Variants in RALYL observed in about 807,000 individuals in gnomAD.
RALYL encodes the protein RALY RNA binding protein like.
RALYL carries 29 observed loss-of-function variants against 35.1 expected under a neutral mutation model. The observed-to-expected ratio is 0.83, with a 90% CI of 0.61 to 1.13. The LOEUF is 1.13. Ranked by LOEUF, RALYL falls within the 50% of genes most tolerant of loss-of-function variation. RALYL has a pLI of 0.00. For synonymous variants in RALYL, 120 were observed against 127.6 expected (o/e 0.94, Z 0.40); for missense variants, 359 against 360.4 (o/e 1.00, Z 0.03).
intron 1 of RALYL, among the ~76,000 whole-genome samples, chr8:84,245,127 G>A (rs1381538506): frequency 6.6e-6 from 1 of 152,110 alleles, no homozygotes; most frequent in Non-Finnish European, 1.5e-5. Flanking sequence ...GAACTTCCTT[G>A]AACTTTGCAC....
In RALYL at chr8:84,563,128, G is replaced by A. The variant is rs1253547554; in HGVS notation, c.256+33551G>A. ...CGAGAATATGACAGTAGTGGCTTTGGCAGCAAAGAAACTCAGGAGTAGAGC... is the reference window on the plus strand; with the variant it reads ...CGAGAATATGACAGTAGTGGCTTTGACAGCAAAGAAACTCAGGAGTAGAGC... On this transcript the variant is annotated intron_variant, in intron 2 of 8. Coordinates refer to ENST00000521268, the MANE Select transcript of RALYL (RefSeq NM_173848.7). 4.0e-5 allele frequency among the ~76,000 whole-genome samples: 6 copies of A among 151,784 alleles called. No homozygotes were observed. The East Asian group carries it at 7.7e-4, about 20-fold the overall frequency.
intron 8 of RALYL, among the ~76,000 whole-genome samples, chr8:84,907,307 GCGTCACA>G (rs1342723811): frequency 3.4e-5 from 2 of 59,078 alleles, no homozygotes; most frequent in Non-Finnish European, 3.6e-5. Flanking sequence ...ATAAGATATA[GCGTCACA>G]CACACACACA....
chr8:84,836,871 GAACT>G lies in RALYL; in HGVS notation c.366-13105_366-13102del, dbSNP rs771281877. ...ATATCTTCTGCATTCATAATTTCTA[GAACT>G]AACCATGGGTATTCTGAAGAATAGC... On this transcript the variant is annotated intron_variant, in intron 4 of 8. Transcript: ENST00000521268. 5.9e-5 allele frequency among the ~76,000 whole-genome samples: 9 copies of G among 152,210 alleles called. No individual in the cohort carries two copies. In the East Asian group the frequency reaches 1.4e-3, roughly 23 times the overall value.
intron 2 of RALYL, among the ~76,000 whole-genome samples, chr8:84,771,768 C>CTA (rs1815588214): frequency 6.6e-6 from 1 of 151,854 alleles, no homozygotes; most frequent in African/African-American, 2.4e-5. Flanking sequence ...CATGAGTTTC[C>CTA]TATATATTCA....
rs144729537 is a variant in RALYL, at chr8:84,884,815, TTCTC to T, written c.686-2783_686-2780del. ...AATTATAAGAATCCCAAATTTCTATTTCTCTCTCTTTCTTCAGGTACCAACACTA... is the reference window on the plus strand; with the variant it reads ...AATTATAAGAATCCCAAATTTCTATTTCTCTTTCTTCAGGTACCAACACTA... On this transcript the variant is annotated intron_variant, in intron 7 of 8. Coordinates refer to ENST00000521268, the MANE Select transcript of RALYL (RefSeq NM_173848.7). Among the ~76,000 whole-genome samples the T allele has an allele frequency of 3.4e-4, 52 of 152,208 alleles. 1 individual carries two copies. The East Asian group carries it at 0.01, about 29-fold the overall frequency.
intron 2 of RALYL, among the ~76,000 whole-genome samples, chr8:84,539,611 C>A (rs78006987): frequency 6.6e-6 from 1 of 151,766 alleles, no homozygotes; most frequent in African/African-American, 2.4e-5. Context: ...TAAAGACATG[C>A]TTCTGTGTTT....
At chr8:84,609,868 T>C (rs1470287805) in intron 2 of RALYL, among the ~76,000 whole-genome samples, 1 of 152,096 alleles carries the variant, frequency 6.6e-6, no homozygotes, top group Non-Finnish European at 1.5e-5. Context: ...CTCACAATCA[T>C]TGTGGAAGAC....
chr8:84,760,232 A>AT (rs890402061), intron 2 of RALYL, among the ~76,000 whole-genome samples: 6 of 151,970 alleles, frequency 3.9e-5, no homozygotes, highest in Non-Finnish European at 5.9e-5. Context: ...ATAAAATTAG[A>AT]TTTTTTTTCC....
At chr8:84,545,466 T>G (rs1036832713) in intron 2 of RALYL, among the ~76,000 whole-genome samples, 3 of 152,168 alleles carry the variant, frequency 2.0e-5, no homozygotes, top group Non-Finnish European at 4.4e-5. Flanking sequence ...CAATATTATA[T>G]TCTAATTGGG....
intron 1 of RALYL, among the ~76,000 whole-genome samples, chr8:84,319,159 G>A (rs1463465791): frequency 6.6e-6 from 1 of 152,082 alleles, no homozygotes; most frequent in Non-Finnish European, 1.5e-5. Context: ...GAACTTGGTG[G>A]GTGTCTTGAA....
chr8:84,576,723 G>A (rs1809525181), intron 2 of RALYL, among the ~76,000 whole-genome samples: 1 of 152,144 alleles, frequency 6.6e-6, no homozygotes, highest in East Asian at 1.9e-4. Context: ...AGACCTATCT[G>A]TCTATTGCTG....
chr8:84,286,164 G>C (rs934121069), intron 1 of RALYL, among the ~76,000 whole-genome samples: 1 of 152,076 alleles, frequency 6.6e-6, no homozygotes, highest in African/African-American at 2.4e-5. Flanking sequence ...TTGAGACCTC[G>C]TGATCTGCCC....
chr8:84,193,515 G>A (rs1814495275), intron 1 of RALYL, among the ~76,000 whole-genome samples: 2 of 152,148 alleles, frequency 1.3e-5, no homozygotes, highest in African/African-American at 4.8e-5. Flanking sequence ...TACTGTGCTG[G>A]AGGATGAGGA....
chr8:84,679,708 C>A, intron 2 of RALYL: 1 of 516,694 alleles, frequency 1.9e-6, no homozygotes. Flanking sequence ...ATGGCTTTGA[C>A]CCTCAAGGCA....
At chr8:84,558,642 GT>G (rs1362676382) in intron 2 of RALYL, among the ~76,000 whole-genome samples, 4 of 151,964 alleles carry the variant, frequency 2.6e-5, no homozygotes, top group African/African-American at 9.7e-5. Flanking sequence ...AATTATGAGG[GT>G]TTTTTTCTGG....
intron 2 of RALYL, among the ~76,000 whole-genome samples, chr8:84,572,928 AT>A (rs530064477): frequency 6.6e-6 from 1 of 150,674 alleles, no homozygotes; most frequent in East Asian, 1.9e-4. Context: ...CTACTATTGG[AT>A]TTTTTTGCTT....
intron 1 of RALYL, among the ~76,000 whole-genome samples, chr8:84,369,544 CA>C (rs1489400098): frequency 3.3e-5 from 5 of 152,106 alleles, no homozygotes; most frequent in African/African-American, 1.2e-4. Flanking sequence ...CAAAGAGCTT[CA>C]GGGGGGTAGG....
chr8:84,252,022 T>C (rs1830293456), intron 1 of RALYL, among the ~76,000 whole-genome samples: 1 of 152,050 alleles, frequency 6.6e-6, no homozygotes, highest in Non-Finnish European at 1.5e-5. Flanking sequence ...GTATATTAAA[T>C]GGGGGAATCT....
intron 2 of RALYL, among the ~76,000 whole-genome samples, chr8:84,725,791 G>C (rs1844839543): frequency 6.6e-6 from 1 of 151,446 alleles, no homozygotes; most frequent in Non-Finnish European, 1.5e-5. Context: ...ATAAACATTA[G>C]AAAAGATGAA....
Sources: gnomAD v4.1 joint callset for allele counts (sites outside exome capture counted in the v4.1 genomes callset) on GRCh38, gnomAD v4.1.1 for gene constraint, MANE v1.5 for transcripts, NCBI Gene and HGNC (gene_info 2026-07-23, HGNC 2026-07-21) for gene names.